CCDC73: variants seen among roughly 807,000 people sequenced by gnomAD.
CCDC73 encodes the protein coiled-coil domain containing 73.
Under a neutral mutation model 116.5 loss-of-function variants are expected in CCDC73, and 95 were observed. That is an observed-to-expected ratio of 0.82 (90% confidence interval 0.69 to 0.97). The LOEUF (loss-of-function observed/expected upper bound fraction) is 0.97, where lower values mean the gene tolerates loss of function less well. CCDC73 is among the 50% of genes least tolerant of loss of function. CCDC73 has a pLI of 0.00. For missense variants in CCDC73, 1,066 were observed against 1,206.8 expected (o/e 0.88, Z 1.73); for synonymous variants, 398 against 401.3 (o/e 0.99, Z 0.10).
chr11:32,769,086 A>G (rs1850470314), intron 1 of CCDC73, among the ~76,000 whole-genome samples: 1 of 152,220 alleles, frequency 6.6e-6, no homozygotes, highest in African/African-American at 2.4e-5. Flanking sequence ...AAATGAACCA[A>G]TAGGAACTCC....
intron 2 of CCDC73, among the ~76,000 whole-genome samples, chr11:32,728,579 C>T (rs541944058): frequency 2.0e-5 from 3 of 151,982 alleles, no homozygotes; most frequent in African/African-American, 7.3e-5. Context: ...TAGGCCCTCT[C>T]GGGAGACAAA....
chr11:32,731,344 G>C (rs1850076303), intron 2 of CCDC73, among the ~76,000 whole-genome samples: 2 of 152,148 alleles, frequency 1.3e-5, no homozygotes, highest in South Asian at 2.1e-4. Flanking sequence ...TCCACCTCTG[G>C]GGGCAGGGCA....
At chr11:32,604,643 CAT>C (rs1298815547) in intron 17 of CCDC73, 2 of 152,294 alleles carry the variant, frequency 1.3e-5, no homozygotes, top group East Asian at 1.9e-4. Flanking sequence ...ATAGCTCCAT[CAT>C]ATTCTGTGTT....
At chr11:32,687,027 G>A (rs1006749102) in intron 6 of CCDC73, among the ~76,000 whole-genome samples, 4 of 152,090 alleles carry the variant, frequency 2.6e-5, no homozygotes, top group Admixed American at 1.3e-4. Context: ...AAGAAAAGCT[G>A]ACTGAAAAGC....
intron 14 of CCDC73, among the ~76,000 whole-genome samples, chr11:32,628,904 A>G (rs1273061159): frequency 6.6e-6 from 1 of 152,240 alleles, no homozygotes; most frequent in Non-Finnish European, 1.5e-5. Context: ...GCTATTACAA[A>G]TGTTCAAGGA....
At chr11:32,623,284 C>T (rs555588755) in intron 14 of CCDC73, among the ~76,000 whole-genome samples, 8 of 152,262 alleles carry the variant, frequency 5.3e-5, no homozygotes, top group African/African-American at 1.2e-4. Context: ...AGATTACAGG[C>T]GTGAGCCACT....
chr11:32,801,515 C>T, the CCDC73 span, among the ~76,000 whole-genome samples: 2 of 152,138 alleles, frequency 1.3e-5, no homozygotes, highest in Non-Finnish European at 2.9e-5. Context: ...GTGGCACACA[C>T]CTGTAGTCCC....
the CCDC73 span, among the ~76,000 whole-genome samples, chr11:32,801,404 A>G: frequency 0.028 from 4,307 of 152,258 alleles, 190 homozygotes; most frequent in African/African-American, 0.096. Context: ...GCATTTTGGG[A>G]GGCCAAGGCG....
At chr11:32,823,228 C>A in the CCDC73 span, among the ~76,000 whole-genome samples, 1 of 152,194 alleles carries the variant, frequency 6.6e-6, no homozygotes, top group Non-Finnish European at 1.5e-5. Context: ...AATCCCAGCA[C>A]TTTGGGAGGC....
rs558091931 is a variant in CCDC73, at chr11:32,698,272, C to G, written c.390+979G>C. Among the ~76,000 whole-genome samples the G allele has an allele frequency of 1.1e-3, 170 of 152,228 alleles. 1 individual carries two copies. Among genetic ancestry groups the G allele is most frequent in the African/African-American group, 3.9e-3 (161 of 41,546 alleles). On this transcript the variant is annotated intron_variant, in intron 6 of 17. Transcript: ENST00000335185. ...ATCTCCTGACCTCGTGATCCACCCG[C>G]CTCGGCCTCCCAAAGTGCTAGGATT...
the CCDC73 span, among the ~76,000 whole-genome samples, chr11:32,806,789 G>A: frequency 3.9e-5 from 6 of 152,216 alleles, no homozygotes; most frequent in South Asian, 4.2e-4. Context: ...CAAAAAGGCC[G>A]GCACAGTTAA....
intron 12 of CCDC73, among the ~76,000 whole-genome samples, chr11:32,644,322 C>T (rs577416631): frequency 2.0e-5 from 3 of 152,122 alleles, no homozygotes; most frequent in African/African-American, 7.2e-5. Flanking sequence ...CAATGGACAC[C>T]AGGGCCTACT....
At chr11:32,666,025 A>G (rs1488330406) in intron 9 of CCDC73, among the ~76,000 whole-genome samples, 1 of 152,218 alleles carries the variant, frequency 6.6e-6, no homozygotes, top group African/African-American at 2.4e-5. Context: ...CTGCTGAGAT[A>G]TCTGCTGTTA....
chr11:32,624,772 C>T (rs908242569), intron 14 of CCDC73, among the ~76,000 whole-genome samples: 5 of 152,170 alleles, frequency 3.3e-5, no homozygotes, highest in Admixed American at 6.5e-5. Flanking sequence ...TTGGAACAAA[C>T]CCAGATGTCC....
chr11:32,789,747 T>G (rs1167293994), intron 1 of CCDC73, among the ~76,000 whole-genome samples: 1 of 152,206 alleles, frequency 6.6e-6, no homozygotes, highest in Non-Finnish European at 1.5e-5. Flanking sequence ...CACTCCAGCC[T>G]GTGTGACAGA....
At chr11:32,751,940 CTGCTTCACA>C (rs1296319526) in intron 2 of CCDC73, among the ~76,000 whole-genome samples, 1 of 152,192 alleles carries the variant, frequency 6.6e-6, no homozygotes, top group East Asian at 1.9e-4. Flanking sequence ...CAAGACAGGT[CTGCTTCACA>C]TGCTATGGAT....
At chr11:32,803,971 T>A in the CCDC73 span, among the ~76,000 whole-genome samples, 1 of 151,976 alleles carries the variant, frequency 6.6e-6, no homozygotes, top group Non-Finnish European at 1.5e-5. Flanking sequence ...AGCACCTACC[T>A]AATTTTTTTT....
At chr11:32,830,013 C>T in the CCDC73 span, 1 of 985,852 alleles carries the variant, frequency 1.0e-6, no homozygotes, top group African/African-American at 1.7e-5. Context: ...AGGCCCTTCC[C>T]AGGTTTGCGC....
the CCDC73 span, among the ~76,000 whole-genome samples, chr11:32,822,244 T>C: frequency 1.3e-5 from 2 of 152,330 alleles, no homozygotes; most frequent in East Asian, 3.9e-4. Context: ...AAAAGATGCA[T>C]ACTCCATAAA....
Sources: gnomAD v4.1 joint callset for allele counts (sites outside exome capture counted in the v4.1 genomes callset) on GRCh38, gnomAD v4.1.1 for gene constraint, MANE v1.5 for transcripts, NCBI Gene and HGNC (gene_info 2026-07-23, HGNC 2026-07-21) for gene names.